Variants in IPMK observed in about 807,000 individuals in gnomAD.
The protein encoded by IPMK is inositol 1,3,4,6-tetrakisphosphate 5-kinase.
Under a neutral mutation model 45.8 loss-of-function variants are expected in IPMK, and 17 were observed. The observed-to-expected ratio is 0.37, with a 90% CI of 0.25 to 0.56. IPMK has a LOEUF of 0.56. Ranked by LOEUF, IPMK falls within the 20% of genes least tolerant of loss-of-function variation. The pLI is 0.79. For missense variants in IPMK, 399 were observed against 498.0 expected, an observed-to-expected ratio of 0.80 and a Z score of 1.89; for synonymous variants, 180 against 184.3, an observed-to-expected ratio of 0.98 and a Z score of 0.19.
intron 1 of IPMK, among the ~76,000 whole-genome samples, chr10:58,263,661 G>A (rs1191996055): frequency 6.6e-6 from 1 of 152,162 alleles, no homozygotes; most frequent in African/African-American, 2.4e-5. Flanking sequence ...TCCAGCCTAG[G>A]TGACACAGCA....
chr10:58,254,465 C>A (rs1433225468), intron 1 of IPMK, among the ~76,000 whole-genome samples: 1 of 151,260 alleles, frequency 6.6e-6, no homozygotes, highest in Non-Finnish European at 1.5e-5. Context: ...GATTTCTATC[C>A]ATATTTTCTT....
chr10:58,196,280 C>T lies in IPMK; in HGVS notation c.1047G>A (p.Met349Ile), dbSNP rs2275443. 0.027 allele frequency: 43,800 copies of T among 1,613,980 alleles called. 3,020 individuals carry two copies. In the East Asian group the frequency reaches 0.3, roughly 11 times the overall value. The change falls in exon 6 of 6, where the codon ATG becomes ATA. Residue 349 changes from methionine to isoleucine, a missense_variant. Physicochemically the swap from Met to Ile is conservative, Grantham distance 10 (BLOSUM62 1). Coordinates refer to ENST00000373935, the MANE Select transcript of IPMK (RefSeq NM_152230.5). ...CATTTCCATTTAAATGTTCCTGTGA[C>T]ATGCTTTTCCACCCATTGTCTTGCT... ...NLEQDNGWKS[M>I]SQEHLNGNVL... is the part of the protein sequence containing the mutation.
chr10:58,219,677 G>A (rs1459475310), intron 3 of IPMK, among the ~76,000 whole-genome samples: 1 of 152,096 alleles, frequency 6.6e-6, no homozygotes, highest in Non-Finnish European at 1.5e-5. Flanking sequence ...ACCCATCATT[G>A]GATTATGAAT....
Position 58,217,156 on chromosome 10 carries a change from C to CTTTTTT in IPMK, c.374-845_374-840dup, listed in dbSNP as rs58314639. ...GAGTCACCATGCCCAGCCCATCTTGCTTTTTTTTTTTTTTTTTTTTTTAGA... is the reference window on the plus strand; with the variant it reads ...GAGTCACCATGCCCAGCCCATCTTGCTTTTTTTTTTTTTTTTTTTTTTTTTTTTAGA... On this transcript the variant is annotated intron_variant, in intron 3 of 5. Transcript: ENST00000373935. 1.0e-3 allele frequency among the ~76,000 whole-genome samples: 108 copies of CTTTTTT among 102,892 alleles called. 6 individuals carry two copies. The highest frequency in any genetic ancestry group is 3.3e-3 in the South Asian group (9 of 2,712). 67.5% of individuals were successfully genotyped at this position (102,892 alleles called of 152,430 possible).
intron 2 of IPMK, among the ~76,000 whole-genome samples, chr10:58,235,906 A>C (rs948660425): frequency 2.0e-5 from 3 of 152,154 alleles, no homozygotes; most frequent in Admixed American, 6.6e-5. Flanking sequence ...TTAAGGAACA[A>C]AACTCTTAAA....
At chr10:58,257,996 A>G (rs1215604070) in intron 1 of IPMK, among the ~76,000 whole-genome samples, 1 of 152,218 alleles carries the variant, frequency 6.6e-6, no homozygotes, top group Non-Finnish European at 1.5e-5. Flanking sequence ...ATCCACAATT[A>G]CTTTCTCAAT....
At chr10:58,221,843 G>A (rs561631149) in intron 3 of IPMK, among the ~76,000 whole-genome samples, 1 of 152,136 alleles carries the variant, frequency 6.6e-6, no homozygotes, top group African/African-American at 2.4e-5. Context: ...CCACCTCCTG[G>A]GTTCAAGCAA....
At chr10:58,253,501 G>A (rs1385023100) in intron 1 of IPMK, among the ~76,000 whole-genome samples, 1 of 152,092 alleles carries the variant, frequency 6.6e-6, no homozygotes, top group Non-Finnish European at 1.5e-5. Context: ...GGACGAAGCA[G>A]GCAGACTGCC....
intron 1 of IPMK, among the ~76,000 whole-genome samples, chr10:58,262,606 G>A (rs1315988396): frequency 6.6e-6 from 1 of 152,104 alleles, no homozygotes; most frequent in Non-Finnish European, 1.5e-5. Context: ...AGAAACCAGG[G>A]CTCCTTGAAG....
rs201911489 is a variant in IPMK at position 58,196,182 on chromosome 10, C to T, written c.1145G>A (p.Arg382Gln). The T allele has an allele frequency of 2.3e-5, 37 of 1,613,894 alleles. No homozygotes were observed. Among genetic ancestry groups the T allele is most frequent in the African/African-American group, 6.7e-5 (5 of 74,930 alleles). Residue 382 changes from arginine (R) to glutamine (Q), a missense_variant, in exon 6 of 6, where the codon CGA (arginine) becomes CAA (glutamine). Transcript: ENST00000373935. Reference protein sequence around the residue: ...GCQEIAEVEVRMIDFAHVFPS... With the variant: ...GCQEIAEVEVQMIDFAHVFPS... The stretch of plus-strand genomic sequence containing the variant: ...GAACACATGAGCAAAATCTATCATT[C>T]GCACTTCTACTTCAGCAATCTCTTG...
intron 1 of IPMK, among the ~76,000 whole-genome samples, chr10:58,253,339 T>A (rs926508061): frequency 2.0e-5 from 3 of 152,212 alleles, no homozygotes; most frequent in African/African-American, 4.8e-5. Context: ...GAGAACAGAC[T>A]AATACACAGT....
intron 4 of IPMK, 103 bp downstream of exon 4, chr10:58,216,042 A>C: frequency 2.4e-6 from 2 of 831,372 alleles, no homozygotes; most frequent in South Asian, 7.0e-5. Context: ...CAATTCCAAA[A>C]TACATTATTT....
intron 4 of IPMK, among the ~76,000 whole-genome samples, chr10:58,206,264 T>C (rs7920060): frequency 0.046 from 6,942 of 152,220 alleles, 209 homozygotes; most frequent in African/African-American, 0.083. Context: ...TCCATAGAGA[T>C]AGAAAATAGA....
intron 1 of IPMK, among the ~76,000 whole-genome samples, chr10:58,244,757 C>G (rs1398249564): frequency 6.6e-6 from 1 of 152,136 alleles, no homozygotes; most frequent in Non-Finnish European, 1.5e-5. Flanking sequence ...ACCCCCTGCT[C>G]TCTGAAACAT....
intron 4 of IPMK, among the ~76,000 whole-genome samples, chr10:58,215,011 A>C (rs577529741): frequency 6.6e-6 from 1 of 152,330 alleles, no homozygotes; most frequent in East Asian, 1.9e-4. Flanking sequence ...AATTTCATAG[A>C]AGTGACAGCA....
intron 4 of IPMK, among the ~76,000 whole-genome samples, chr10:58,202,311 A>G (rs1427224611): frequency 6.6e-6 from 1 of 152,170 alleles, no homozygotes; most frequent in Admixed American, 6.5e-5. Context: ...CTCTCTTATT[A>G]GGGGCAAATG....
chr10:58,249,146 AACTGTGTAGTAGTG>A (rs1838846880), intron 1 of IPMK, among the ~76,000 whole-genome samples: 2 of 152,346 alleles, frequency 1.3e-5, no homozygotes. Flanking sequence ...CATACCTAAC[AACTGTGTAGTAGTG>A]TTCTCTTTCT....
At chr10:58,231,918 G>T (rs924835077) in intron 2 of IPMK, among the ~76,000 whole-genome samples, 4 of 152,176 alleles carry the variant, frequency 2.6e-5, no homozygotes, top group African/African-American at 9.7e-5. Flanking sequence ...TTGGTGTACC[G>T]TATTCAGGAG....
In IPMK at chr10:58,267,729, C is replaced by T; in HGVS notation, c.-118G>A. 1 of 652,590 alleles carries T rather than the reference C, an allele frequency of 1.5e-6. No individual in the cohort carries two copies. Among genetic ancestry groups the T allele is most frequent in the South Asian group, 1.8e-5 (1 of 54,330 alleles). The allele number at this position is 652,590 out of a possible 1,614,324, so 40.4% of individuals were successfully genotyped here. Reference sequence around the variant, plus strand: ...GGGCGCGAGGAGGCCCGGGGGTTCCCGCGGCTGGTGCCCTCTGAAGCGCGG... The same window carrying T: ...GGGCGCGAGGAGGCCCGGGGGTTCCTGCGGCTGGTGCCCTCTGAAGCGCGG... On this transcript the variant is annotated 5_prime_UTR_variant, in exon 1 of 6. Transcript: ENST00000373935.
Sources: gnomAD v4.1 joint callset for allele counts (sites outside exome capture counted in the v4.1 genomes callset) on GRCh38, gnomAD v4.1.1 for gene constraint, MANE v1.5 for transcripts, NCBI Gene and HGNC (gene_info 2026-07-23, HGNC 2026-07-21) for gene names.